The following BANP variants were observed in gnomAD, a reference collection of about 807,000 sequenced individuals.
BANP encodes BTG3 associated nuclear protein, also known as protein BANP.
BANP carries 11 observed loss-of-function variants against 68.1 expected under a neutral mutation model. The ratio of observed to expected loss-of-function variants is 0.16; its 90% CI spans 0.10 to 0.27. The LOEUF is 0.27. Among genes scored for constraint, BANP ranks in the 10% least tolerant of loss-of-function variants. The pLI is 1.00. For synonymous variants in BANP, 329 were observed against 303.2 expected (o/e 1.09, Z -0.88); for missense variants, 504 against 722.7 (o/e 0.70, Z 3.47).
chr16:87,968,389 C>A (rs1163588540), intron 1 of BANP, among the ~76,000 whole-genome samples: 1 of 149,862 alleles, frequency 6.7e-6, no homozygotes, highest in African/African-American at 2.5e-5. Context: ...GAGACTGAGG[C>A]AGGAGGATCA....
At chr16:88,052,348 C>G (rs2083450619) in intron 11 of BANP, among the ~76,000 whole-genome samples, 1 of 152,154 alleles carries the variant, frequency 6.6e-6, no homozygotes, top group South Asian at 2.1e-4. Context: ...CTTGCTTTCT[C>G]CTATGTCTTC....
At chr16:87,993,936 TTC>T (rs200027558) in intron 4 of BANP, among the ~76,000 whole-genome samples, 4,313 of 152,282 alleles carry the variant, frequency 0.028, 80 homozygotes, top group Non-Finnish European at 0.043. Flanking sequence ...TACCAAATGC[TTC>T]TCCGGGCTCA....
intron 8 of BANP, among the ~76,000 whole-genome samples, chr16:88,030,791 T>C (rs1222686498): frequency 6.6e-6 from 1 of 152,210 alleles, no homozygotes; most frequent in African/African-American, 2.4e-5. Context: ...CATTCTTTGC[T>C]TGTCTGCCCT....
chr16:88,070,759 C>G (rs183113369), intron 12 of BANP, among the ~76,000 whole-genome samples: 4 of 152,272 alleles, frequency 2.6e-5, no homozygotes, highest in South Asian at 2.1e-4. Context: ...TATTTTTTTG[C>G]ATTTTTTTCT....
intron 1 of BANP, 139 bp from the exon 2 acceptor site, chr16:87,974,909 G>A: frequency 1.8e-6 from 1 of 564,300 alleles, no homozygotes; most frequent in East Asian, 2.8e-5. Flanking sequence ...TTGGGGGTTT[G>A]AGGCAAGAAG....
At chr16:88,041,622 C>T (rs941540544) in intron 11 of BANP, among the ~76,000 whole-genome samples, 5 of 152,174 alleles carry the variant, frequency 3.3e-5, no homozygotes, top group African/African-American at 1.2e-4. Flanking sequence ...TCTCTGTCTG[C>T]TCTGATACTG....
chr16:87,971,160 G>C (rs2061044412), intron 1 of BANP, among the ~76,000 whole-genome samples: 1 of 152,158 alleles, frequency 6.6e-6, no homozygotes, highest in Non-Finnish European at 1.5e-5. Flanking sequence ...TGTAACATTG[G>C]TTTTTGTTTT....
At chr16:87,987,417 T>C (rs1428258860) in intron 4 of BANP, among the ~76,000 whole-genome samples, 1 of 152,028 alleles carries the variant, frequency 6.6e-6, no homozygotes, top group African/African-American at 2.4e-5. Context: ...AAATGTGGTA[T>C]ATTTGAATGA....
intron 8 of BANP, among the ~76,000 whole-genome samples, chr16:88,031,062 C>T (rs574737559): frequency 6.7e-4 from 102 of 152,352 alleles, no homozygotes; most frequent in African/African-American, 2.5e-3. Flanking sequence ...TTGTCATTTT[C>T]TTCCTGGGGT....
At chr16:87,986,538 C>T (rs1167512303) in intron 4 of BANP, among the ~76,000 whole-genome samples, 3 of 150,334 alleles carry the variant, frequency 2.0e-5, no homozygotes, top group Admixed American at 6.7e-5. Flanking sequence ...GGCCAAGTCA[C>T]GCATTCATTC....
Position 88,004,072 on chromosome 16 carries a change from G to A in BANP, c.363-223G>A, listed in dbSNP as rs1260724305. 4 of 509,992 alleles carry A rather than the reference G, an allele frequency of 7.8e-6. No homozygotes were observed. Among genetic ancestry groups the A allele is most frequent in the East Asian group, 3.6e-5 (1 of 27,566 alleles). 31.6% of individuals were successfully genotyped at this position (509,992 alleles called of 1,614,324 possible). ...ATCACCAACAATTAGGAAAAGTTAC[G>A]TTCTGCTAAAAACCCCATCTCCAGT... is the stretch of plus-strand genomic sequence containing the variant. On this transcript the variant is annotated intron_variant, in intron 4 of 13. Coordinates refer to ENST00000682872, the MANE Select transcript of BANP (RefSeq NM_001386991.1). This position sits in a 1 kb window ranked among gnomAD's most constrained non-coding sequence, Gnocchi z 7.0.
intron 2 of BANP, chr16:87,980,689 A>G (rs928084410): frequency 3.0e-5 from 7 of 233,824 alleles, no homozygotes; most frequent in South Asian, 5.9e-5. Flanking sequence ...TTTATTTTAA[A>G]GTTGGGAAGA....
At chr16:87,952,433 G>C (rs1171832327) in intron 1 of BANP, 1 of 152,218 alleles carries the variant, frequency 6.6e-6, no homozygotes, top group African/African-American at 2.4e-5. Flanking sequence ...CCTGTTTGGA[G>C]TTGCCTGTTC....
chr16:88,006,126 G>A lies in BANP; in HGVS notation c.516G>A (p.Val172=). Residue 172 remains valine, a synonymous_variant, in exon 6 of 14, where the codon GTG becomes GTA. Coordinates refer to ENST00000682872, the MANE Select transcript of BANP (RefSeq NM_001386991.1). ...VPGRRQNTIV[V]KVPGQEDSHH... is the part of the protein sequence containing the mutation. ...GGCGTCGGCAGAACACCATTGTGGT[G>A]AAGGTGCCGGGCCAAGAAGACAGCC... 1 of 1,614,014 alleles carries A rather than the reference G, an allele frequency of 6.2e-7. No homozygotes were observed. Among genetic ancestry groups the A allele is most frequent in the South Asian group, 1.1e-5 (1 of 91,082 alleles).
At chr16:88,019,318 T>A (rs1223926293) in intron 7 of BANP, among the ~76,000 whole-genome samples, 6 of 152,042 alleles carry the variant, frequency 3.9e-5, no homozygotes, top group Admixed American at 2.6e-4. Flanking sequence ...ACAGAGCCCG[T>A]CTGCTTCAGA....
In BANP at chr16:88,003,758, A is replaced by G. The variant is rs1598345741; in HGVS notation, c.363-537A>G. ...TGTTCCTGCAGGACCTGGAGGCAGCATGTGTGTCCTTCCATCCCAAGTCCA... is the reference window on the plus strand; with the variant it reads ...TGTTCCTGCAGGACCTGGAGGCAGCGTGTGTGTCCTTCCATCCCAAGTCCA... On this transcript the variant is annotated intron_variant, in intron 4 of 13. Coordinates refer to ENST00000682872, the MANE Select transcript of BANP (RefSeq NM_001386991.1). The surrounding 1 kb of genome is among the most constrained non-coding windows in gnomAD (Gnocchi z 6.1). 2 of 326,094 alleles carry G rather than the reference A, an allele frequency of 6.1e-6. No individual in the cohort carries two copies. The highest frequency in any genetic ancestry group is 8.4e-5 in the East Asian group (1 of 11,976). 20.2% of individuals were successfully genotyped at this position (326,094 alleles called of 1,614,324 possible).
rs1246359986 is a variant in BANP, at chr16:88,036,821, C to T, written c.1273-1152C>T. 6.6e-6 allele frequency among the ~76,000 whole-genome samples: 1 copy of T among 152,152 alleles called. No individual in the cohort carries two copies. The highest frequency in any genetic ancestry group is 2.4e-5 in the African/African-American group (1 of 41,418). On this transcript the variant is annotated intron_variant, in intron 10 of 13. Transcript: ENST00000682872. The surrounding 1 kb of genome is among the most constrained non-coding windows in gnomAD (Gnocchi z 4.2). ...CAGAGTGTCCAGGAAGGAGCAGGGC[C>T]TTCCCTGTTCTGTGTCTGTGGGTGG...
At chr16:87,986,195 A>G (rs2064370531) in intron 4 of BANP, among the ~76,000 whole-genome samples, 1 of 152,174 alleles carries the variant, frequency 6.6e-6, no homozygotes, top group South Asian at 2.1e-4. Context: ...AAGGAATTAA[A>G]CACAAGGATG....
At chr16:87,984,781 T>C (rs2146216685) in intron 4 of BANP, among the ~76,000 whole-genome samples, 1 of 152,374 alleles carries the variant, frequency 6.6e-6, no homozygotes, top group African/African-American at 2.4e-5. Context: ...TCGGACCTGC[T>C]TGGTGTCCAC....
Sources: allele counts gnomAD v4.1 joint callset (sites outside exome capture counted in the v4.1 genomes callset), GRCh38; gene constraint gnomAD v4.1.1; non-coding constraint Gnocchi (gnomAD v3.1); transcripts MANE v1.5; gene names NCBI Gene and HGNC (gene_info 2026-07-23, HGNC 2026-07-21).